The following TXNDC11 variants were observed in gnomAD, a reference collection of about 807,000 sequenced individuals.
TXNDC11 encodes thioredoxin domain containing 11.
Under a neutral mutation model 78.0 loss-of-function variants are expected in TXNDC11, and 68 were observed. That is an observed-to-expected ratio of 0.87 (90% CI 0.72 to 1.07). The LOEUF is 1.07. Among genes scored for constraint, TXNDC11 ranks in the 50% least tolerant of loss-of-function variants. The pLI, the probability that TXNDC11 is intolerant of heterozygous loss-of-function variation, is 0.00. For missense variants in TXNDC11, 1,389 were observed against 1,221.8 expected, an observed-to-expected ratio of 1.14 and a Z score of -2.04; for synonymous variants, 571 against 495.2, an observed-to-expected ratio of 1.15 and a Z score of -2.03.
intron 3 of TXNDC11, among the ~76,000 whole-genome samples, chr16:11,732,386 GA>G (rs2052081982): frequency 6.6e-6 from 1 of 152,136 alleles, no homozygotes; most frequent in East Asian, 1.9e-4. Flanking sequence ...AAGCCAAAAA[GA>G]AATGCAAGGA....
intron 4 of TXNDC11, among the ~76,000 whole-genome samples, chr16:11,727,266 G>A (rs1376926808): frequency 1.3e-5 from 2 of 149,688 alleles, no homozygotes; most frequent in Admixed American, 1.3e-4. Flanking sequence ...AAACAAGGAG[G>A]AAATTATCAC....
At chr16:11,720,068 G>A (rs1346266335) in intron 5 of TXNDC11, among the ~76,000 whole-genome samples, 3 of 152,152 alleles carry the variant, frequency 2.0e-5, no homozygotes, top group Non-Finnish European at 4.4e-5. Context: ...GTAACAAAGG[G>A]GATGGAGACA....
chr16:11,682,439 C>T (rs2050446762), intron 11 of TXNDC11, among the ~76,000 whole-genome samples: 1 of 152,212 alleles, frequency 6.6e-6, no homozygotes, highest in Admixed American at 6.5e-5. Flanking sequence ...CGCACATCTT[C>T]ACGTTTCCCA....
chr16:11,687,770 C>T, intron 10 of TXNDC11, 87 bp downstream of exon 10: 1 of 889,528 alleles, frequency 1.1e-6, no homozygotes, highest in Non-Finnish European at 1.8e-6. Context: ...GGAAAATGGG[C>T]AGACCCTCAC....
At chr16:11,724,775 T>C (rs1382318916) in intron 4 of TXNDC11, among the ~76,000 whole-genome samples, 1 of 152,158 alleles carries the variant, frequency 6.6e-6, no homozygotes, top group Non-Finnish European at 1.5e-5. Context: ...AGACAGAGTC[T>C]TTCTCTGTCG....
Position 11,693,892 on chromosome 16 carries a change from C to G in TXNDC11, c.1108-1810G>C, listed in dbSNP as rs544088026. Reference sequence around the variant, plus strand: ...ACGCAGTAATAGACAACTACTCCCACCCACTCCCGCAAAAACCTCCATAAG... The same window carrying G: ...ACGCAGTAATAGACAACTACTCCCAGCCACTCCCGCAAAAACCTCCATAAG... On this transcript the variant is annotated intron_variant, in intron 7 of 11. Transcript: ENST00000283033. 2.0e-5 allele frequency among the ~76,000 whole-genome samples: 3 copies of G among 152,246 alleles called. No homozygotes were observed. The South Asian group carries it at 6.2e-4, about 32-fold the overall frequency.
At chr16:11,723,886 C>T (rs1208825690) in intron 4 of TXNDC11, among the ~76,000 whole-genome samples, 1 of 152,096 alleles carries the variant, frequency 6.6e-6, no homozygotes, top group Non-Finnish European at 1.5e-5. Context: ...TAAATGGATA[C>T]AGAAATTCAT....
chr16:11,679,491 C>G lies in TXNDC11; in HGVS notation c.2581G>C (p.Ala861Pro). The G allele has an allele frequency of 6.2e-7, 1 of 1,613,548 alleles. No homozygotes were observed. The highest frequency in any genetic ancestry group is 8.5e-7 in the Non-Finnish European group (1 of 1,180,022). ...TCACGTGTCTTCTGCTCATAGAGGGCCTGCAGCTGCTCACTGTGTGCGTGG... is the reference window on the plus strand; with the variant it reads ...TCACGTGTCTTCTGCTCATAGAGGGGCTGCAGCTGCTCACTGTGTGCGTGG... ...LLHAHSEQLQ[A>P]LYEQKTRELQ... Residue 861 changes from alanine (A) to proline (P), a missense_variant, in exon 12 of 12, where the codon GCC becomes CCC. Coordinates refer to ENST00000283033, the MANE Select transcript of TXNDC11 (RefSeq NM_015914.7). The surrounding 1 kb of genome is among the most constrained non-coding windows in gnomAD (Gnocchi z 4.6).
chr16:11,713,707 C>T (rs1437731815), intron 5 of TXNDC11, among the ~76,000 whole-genome samples: 10 of 152,110 alleles, frequency 6.6e-5, no homozygotes, highest in Non-Finnish European at 1.2e-4. Context: ...TGAGCCACAG[C>T]GCCCGGCCCA....
intron 11 of TXNDC11, among the ~76,000 whole-genome samples, chr16:11,682,655 A>G (rs1444332887): frequency 6.6e-6 from 1 of 152,208 alleles, no homozygotes; most frequent in Admixed American, 6.5e-5. Context: ...ATTATACGTC[A>G]TTAAACTACA....
At chr16:11,739,996 C>T (rs1208358358) in intron 1 of TXNDC11, among the ~76,000 whole-genome samples, 1 of 151,974 alleles carries the variant, frequency 6.6e-6, no homozygotes, top group South Asian at 2.1e-4. Flanking sequence ...AGTTCGAGAC[C>T]AGCCTGGTCA....
Position 11,736,229 on chromosome 16 carries a change from C to T in TXNDC11, c.259G>A (p.Ala87Thr). 1 of 1,605,044 alleles carries T rather than the reference C, an allele frequency of 6.2e-7. No individual in the cohort carries two copies. Among genetic ancestry groups the T allele is most frequent in the Non-Finnish European group, 8.5e-7 (1 of 1,175,194 alleles). Residue 87 changes from alanine (A) to threonine (T), a missense_variant, in exon 2 of 12, where the codon GCA becomes ACA. Physicochemically the swap from Ala to Thr is moderately conservative, Grantham distance 58. Transcript: ENST00000283033. ...TTTGCTGGTATTATCACATCTTTTGCTCGACTAAAAAAGAGCAAACACAGA... is the reference window on the plus strand; with the variant it reads ...TTTGCTGGTATTATCACATCTTTTGTTCGACTAAAAAAGAGCAAACACAGA... ...LLALKFTCSR[A>T]KDVIIPAKPP...
intron 5 of TXNDC11, among the ~76,000 whole-genome samples, chr16:11,711,793 CT>C (rs979548048): frequency 2.0e-5 from 3 of 152,224 alleles, no homozygotes; most frequent in Non-Finnish European, 4.4e-5. Context: ...TTAGCAACCC[CT>C]CAGAGCTTCG....
rs1002320955 is a variant in TXNDC11, at chr16:11,736,009, A to G, written c.471+8T>C. The stretch of plus-strand genomic sequence containing the variant: ...TCATTTGATTCTTAAGCTGAATGTG[A>G]GCATTACCTGATCTGAAAGCCGACT... On this transcript the variant is annotated splice_region_variant and intron_variant, in intron 2 of 11. Transcript: ENST00000283033. The G allele has an allele frequency of 5.0e-6, 8 of 1,612,910 alleles. No homozygotes were observed. In the African/African-American group the frequency reaches 8.0e-5, roughly 16 times the overall value.
chr16:11,739,952 G>A (rs1230207473), intron 1 of TXNDC11, among the ~76,000 whole-genome samples: 1 of 151,914 alleles, frequency 6.6e-6, no homozygotes, highest in Non-Finnish European at 1.5e-5. Context: ...CAGCACTTTG[G>A]GAGGCCGAAG....
intron 7 of TXNDC11, among the ~76,000 whole-genome samples, chr16:11,697,511 C>G (rs780035568): frequency 6.6e-6 from 1 of 152,204 alleles, no homozygotes; most frequent in Non-Finnish European, 1.5e-5. Flanking sequence ...CCAAATGCTC[C>G]GTGTGGAAAA....
At chr16:11,692,661 T>C (rs2050753868) in intron 7 of TXNDC11, among the ~76,000 whole-genome samples, 1 of 152,130 alleles carries the variant, frequency 6.6e-6, no homozygotes, top group African/African-American at 2.4e-5. Context: ...AGGCATTCAT[T>C]GGGGGTCTTG....
chr16:11,689,242 T>C (rs2287202), intron 8 of TXNDC11, among the ~76,000 whole-genome samples: 17,486 of 152,062 alleles, frequency 0.11, 2,403 homozygotes, highest in African/African-American at 0.32. Flanking sequence ...GCGTCCACCA[T>C]TGCACTCAGC....
In TXNDC11 at chr16:11,698,285, A is replaced by T. The variant is rs746903407; in HGVS notation, c.947T>A (p.Ile316Asn). ...REVLNYTAEN[I>N]CKWALENQET... Reference sequence around the variant, plus strand: ...CTGGTTTTCTAAGGCCCACTTACAGATGTTCTCAGCTGTGTAGTTCAGGAC... The same window carrying T: ...CTGGTTTTCTAAGGCCCACTTACAGTTGTTCTCAGCTGTGTAGTTCAGGAC... The change falls in exon 7 of 12, where the codon ATC (isoleucine) becomes AAC (asparagine). Residue 316 changes from isoleucine (I) to asparagine (N), a missense_variant. Transcript: ENST00000283033. 1 of 1,613,950 alleles carries T rather than the reference A, an allele frequency of 6.2e-7. No homozygotes were observed. The highest frequency in any genetic ancestry group is 1.1e-5 in the South Asian group (1 of 91,066).
Sources: gnomAD v4.1 joint callset for allele counts (sites outside exome capture counted in the v4.1 genomes callset) on GRCh38, gnomAD v4.1.1 for gene constraint, Gnocchi (gnomAD v3.1) non-coding constraint, MANE v1.5 for transcripts, NCBI Gene and HGNC (gene_info 2026-07-23, HGNC 2026-07-21) for gene names.